NCAPG2: variants seen among roughly 807,000 people sequenced by gnomAD.
NCAPG2 encodes the protein non-SMC condensin II complex subunit G2.
A neutral mutation model predicts 141.1 loss-of-function variants in NCAPG2; 53 were observed. That is an observed-to-expected ratio of 0.38 (90% CI 0.30 to 0.47). The LOEUF is 0.47. NCAPG2 is among the 20% of genes least tolerant of loss of function. The pLI is 0.99. For synonymous variants in NCAPG2, 499 were observed against 490.7 expected, an observed-to-expected ratio of 1.02 and a Z score of -0.22; for missense variants, 1,087 against 1,389.0, an observed-to-expected ratio of 0.78 and a Z score of 3.46.
rs182393386 is a variant in NCAPG2 at position 158,666,607 on chromosome 7, G to A, written c.1480-1857C>T. On this transcript the variant is annotated intron_variant, in intron 13 of 27. Transcript: ENST00000356309. ...ACAAATGCACAGATCAGAGCTGCAC[G>A]GGCCACACACTGCTGAAGAAATAGA... Among the ~76,000 whole-genome samples the A allele has an allele frequency of 1.4e-3, 206 of 151,366 alleles. 1 individual carries two copies. Among genetic ancestry groups the A allele is most frequent in the African/African-American group, 4.7e-3 (195 of 41,158 alleles).
At chr7:158,650,192 C>T (rs183498202) in intron 24 of NCAPG2, among the ~76,000 whole-genome samples, 3 of 152,256 alleles carry the variant, frequency 2.0e-5, no homozygotes, top group Admixed American at 6.5e-5. Context: ...ATTACAGGTG[C>T]GTGCCACCAT....
At chr7:158,652,512 T>G (rs1226753776) in intron 22 of NCAPG2, 32 bp from the exon 23 acceptor site, 1 of 1,483,650 alleles carries the variant, frequency 6.7e-7, no homozygotes, top group African/African-American at 1.4e-5. Context: ...ATCAGTTTTC[T>G]AATCACACAA....
intron 17 of NCAPG2, among the ~76,000 whole-genome samples, chr7:158,657,567 G>A (rs1452864482): frequency 4.6e-5 from 7 of 152,210 alleles, no homozygotes; most frequent in African/African-American, 9.6e-5. Context: ...CGCCCCGTCC[G>A]GGAGGTGAGG....
chr7:158,638,102 C>T (rs957958837), intron 27 of NCAPG2, among the ~76,000 whole-genome samples: 1 of 152,140 alleles, frequency 6.6e-6, no homozygotes, highest in South Asian at 2.1e-4. Context: ...CAAGATCGCA[C>T]CACTGCACTA....
At chr7:158,643,622 T>C (rs1434610953) in intron 27 of NCAPG2, among the ~76,000 whole-genome samples, 1 of 152,228 alleles carries the variant, frequency 6.6e-6, no homozygotes, top group Non-Finnish European at 1.5e-5. Flanking sequence ...AGGAAGTAGC[T>C]ATGGAGAGTG....
intron 27 of NCAPG2, among the ~76,000 whole-genome samples, chr7:158,638,660 C>T (rs1340084066): frequency 6.6e-6 from 1 of 152,084 alleles, no homozygotes; most frequent in Non-Finnish European, 1.5e-5. Flanking sequence ...ATAACAGGGC[C>T]ATAAAATATA....
chr7:158,678,379 C>T (rs1221989014), intron 11 of NCAPG2, among the ~76,000 whole-genome samples: 1 of 152,148 alleles, frequency 6.6e-6, no homozygotes, highest in African/African-American at 2.4e-5. Context: ...CTGGTACCTG[C>T]TCCTACACAG....
intron 6 of NCAPG2, 34 bp downstream of exon 6, chr7:158,689,785 T>A (rs777846928): frequency 2.0e-6 from 3 of 1,528,416 alleles, no homozygotes; most frequent in Non-Finnish European, 2.7e-6. Flanking sequence ...AAGAAGCAGC[T>A]CACAAACAGA....
In NCAPG2 at chr7:158,652,384, G is replaced by T. The variant is rs1475127154; in HGVS notation, c.2843C>A (p.Ala948Glu). The change falls in exon 23 of 28, where the codon GCA (alanine) becomes GAA (glutamate). Residue 948 changes from alanine (A) to glutamate (E), a missense_variant. Physicochemically the swap from Ala to Glu is moderately radical, Grantham distance 107. Coordinates refer to ENST00000356309, the MANE Select transcript of NCAPG2 (RefSeq NM_017760.7). ...IQKTDSDEEVAMLLDTVQKVF... is the reference protein window; with the variant it reads ...IQKTDSDEEVEMLLDTVQKVF... ...TTTCTGGACTGTGTCCAACAGCATT[G>T]CAACTTCTTCATCTGAATCTGTTTT... is the stretch of plus-strand genomic sequence containing the variant. 1 of 1,613,536 alleles carries T rather than the reference G, an allele frequency of 6.2e-7. No individual in the cohort carries two copies. The highest frequency in any genetic ancestry group is 8.5e-7 in the Non-Finnish European group (1 of 1,179,814).
At chr7:158,652,603 T>G (rs1587111263) in intron 22 of NCAPG2, 123 bp from the exon 23 acceptor site, 1 of 834,564 alleles carries the variant, frequency 1.2e-6, no homozygotes, top group South Asian at 1.9e-5. Context: ...ACTTTGGTAT[T>G]TGGTGAGCCA....
chr7:158,665,158 T>C (rs1007406328), intron 13 of NCAPG2: 4 of 175,640 alleles, frequency 2.3e-5, no homozygotes, highest in African/African-American at 9.6e-5. Context: ...CTCCATCTCC[T>C]ATCTAAGAGG....
chr7:158,678,977 G>T (rs1278278629), intron 11 of NCAPG2, among the ~76,000 whole-genome samples: 3 of 152,154 alleles, frequency 2.0e-5, no homozygotes, highest in Non-Finnish European at 4.4e-5. Flanking sequence ...GGGACCACAG[G>T]CGTGTGCCAC....
At chr7:158,660,988 G>C (rs1380382726) in intron 16 of NCAPG2, among the ~76,000 whole-genome samples, 1 of 152,152 alleles carries the variant, frequency 6.6e-6, no homozygotes, top group African/African-American at 2.4e-5. Flanking sequence ...CGTCATGACT[G>C]TGAGGCTTCC....
chr7:158,693,526 T>A, intron 2 of NCAPG2, 29 bp from the exon 3 acceptor site: 1 of 1,563,190 alleles, frequency 6.4e-7, no homozygotes, highest in Non-Finnish European at 8.7e-7. Context: ...GTGTCACATT[T>A]CAAATACAAA....
At chr7:158,683,483 G>T (rs1834566949) in intron 8 of NCAPG2, 97 bp from the exon 9 acceptor site, 1 of 692,450 alleles carries the variant, frequency 1.4e-6, no homozygotes, top group Non-Finnish European at 2.2e-6. Context: ...AGTCTGACCT[G>T]TCCATCTTAT....
At chr7:158,639,888 T>C in intron 27 of NCAPG2, 1 of 970,534 alleles carries the variant, frequency 1.0e-6, no homozygotes, top group East Asian at 1.1e-4. Flanking sequence ...AAAATGCAGC[T>C]GTTTTGATAG....
chr7:158,639,767 A>G (rs1478260077), intron 27 of NCAPG2: 1 of 827,966 alleles, frequency 1.2e-6, no homozygotes, highest in Non-Finnish European at 1.5e-6. Flanking sequence ...TAGAGGTCCT[A>G]CTGAAAAAAC....
At chr7:158,677,696 G>A (rs1474852560) in intron 11 of NCAPG2, among the ~76,000 whole-genome samples, 1 of 152,072 alleles carries the variant, frequency 6.6e-6, no homozygotes, top group Non-Finnish European at 1.5e-5. Context: ...CATCCTCTCT[G>A]GATTCAGTGT....
chr7:158,636,549 G>A (rs1464546717), intron 27 of NCAPG2, among the ~76,000 whole-genome samples: 1 of 151,510 alleles, frequency 6.6e-6, no homozygotes, highest in Non-Finnish European at 1.5e-5. Context: ...TTACAGGCAT[G>A]TGCCACCATA....
Sources: gnomAD v4.1 joint callset for allele counts (sites outside exome capture counted in the v4.1 genomes callset) on GRCh38, gnomAD v4.1.1 for gene constraint, MANE v1.5 for transcripts, NCBI Gene and HGNC (gene_info 2026-07-23, HGNC 2026-07-21) for gene names.